SLC25A22: variants seen among roughly 807,000 people sequenced by gnomAD.
SLC25A22 encodes solute carrier family 25 member 22.
Under a neutral mutation model 33.7 loss-of-function variants are expected in SLC25A22, and 23 were observed. The observed-to-expected ratio is 0.68, with a 90% confidence interval of 0.49 to 0.97. The LOEUF (loss-of-function observed/expected upper bound fraction) is 0.97. Among genes scored for constraint, SLC25A22 ranks in the 50% least tolerant of loss-of-function variants. The pLI is 0.00. For missense variants in SLC25A22, 390 were observed against 451.1 expected, an observed-to-expected ratio of 0.86 and a Z score of 1.23; for synonymous variants, 245 against 203.8, an observed-to-expected ratio of 1.20 and a Z score of -1.72.
chr11:793,695 C>T (rs1353282851), intron 4 of SLC25A22, 76 bp from the exon 5 acceptor site: 1 of 1,039,280 alleles, frequency 9.6e-7, no homozygotes, highest in Non-Finnish European at 1.5e-6. Context: ...GACTTGCCTC[C>T]TGGCTGGCAA....
intron 3 of SLC25A22, 64 bp from the exon 4 acceptor site, chr11:794,577 G>A: frequency 6.3e-7 from 1 of 1,584,996 alleles, no homozygotes; most frequent in Non-Finnish European, 8.6e-7. Context: ...AGGGTCCCTG[G>A]ACTGTCTAGG....
chr11:795,109 G>T lies in SLC25A22; in HGVS notation c.-103C>A. 1 of 1,381,764 alleles carries T rather than the reference G, an allele frequency of 7.2e-7. No individual in the cohort carries two copies. The highest frequency in any genetic ancestry group is 1.0e-6 in the Non-Finnish European group (1 of 1,003,812). 85.6% of individuals were successfully genotyped at this position (1,381,764 alleles called of 1,614,324 possible). The stretch of plus-strand genomic sequence containing the variant: ...CCTTGAGGGAGGGTGGGACCCAGGG[G>T]GGTTGGGTGGTGCTCCACCTTCAGG... On this transcript the variant is annotated 5_prime_UTR_variant, in exon 2 of 10. Transcript: ENST00000628067.
intron 1 of SLC25A22, chr11:797,467 C>T (rs1864888209): frequency 2.5e-6 from 1 of 397,610 alleles, no homozygotes; most frequent in Non-Finnish European, 4.4e-6. Flanking sequence ...CGTCACTGTC[C>T]CCCCTTCATA....
At chr11:795,420 G>A (rs1384663905) in intron 1 of SLC25A22, 3 of 335,558 alleles carry the variant, frequency 8.9e-6, no homozygotes, top group Non-Finnish European at 1.6e-5. Flanking sequence ...CGCCGCTCAC[G>A]CTCGGGGCTC....
Position 791,388 on chromosome 11 carries a change from C to T in SLC25A22, c.*527G>A. The stretch of plus-strand genomic sequence containing the variant: ...GCTCAACAGAGAGGGCAGGAGACCC[C>T]AGTCCTCTTGCAAGGCTGGCCAGGG... On this transcript the variant is annotated 3_prime_UTR_variant, in exon 10 of 10. Transcript: ENST00000628067. The T allele has an allele frequency of 5.6e-6, 1 of 177,690 alleles. No individual in the cohort carries two copies. The highest frequency in any genetic ancestry group is 1.3e-4 in the South Asian group (1 of 7,978). The allele number at this position is 177,690 out of a possible 1,614,324, so 11.0% of individuals were successfully genotyped here.
chr11:792,037 A>C lies in SLC25A22; in HGVS notation c.850T>G (p.Phe284Val). Residue 284 changes from phenylalanine (F) to valine (V), a missense_variant, in exon 10 of 10, where the codon TTC (phenylalanine) becomes GTC (valine). Phe to Val is a conservative substitution (Grantham distance 50). Transcript: ENST00000628067. ...KILRHEGPSA[F>V]LKGAYCRALV... ...GCGCGGCAGTAGGCGCCCTTCAGGA[A>C]GGCCGAGGGGCCCTCGTGCCGCAGG... is the stretch of plus-strand genomic sequence containing the variant. 6.2e-7 allele frequency: 1 copy of C among 1,602,394 alleles called. No individual in the cohort carries two copies. The highest frequency in any genetic ancestry group is 8.5e-7 in the Non-Finnish European group (1 of 1,175,238).
At chr11:795,255 C>T (rs1864745643) in intron 1 of SLC25A22, 86 bp from the exon 2 acceptor site, 1 of 639,670 alleles carries the variant, frequency 1.6e-6, no homozygotes, top group African/African-American at 1.8e-5. Flanking sequence ...CACGCAGCCC[C>T]TCACCCACCA....
chr11:793,345 T>C (rs912729882), intron 5 of SLC25A22, 184 bp downstream of exon 5: 3 of 654,922 alleles, frequency 4.6e-6, no homozygotes, highest in African/African-American at 1.8e-5. Context: ...GCCCCACTGA[T>C]TTGACATCTG....
Position 793,511 on chromosome 11 carries a change from G to A in SLC25A22, c.293+18C>T, listed in dbSNP as rs1864642189. On this transcript the variant is annotated intron_variant, in intron 5 of 9. Transcript: ENST00000628067. ...GAAGCCAAAGACCCCTCGAGTGTCT[G>A]CCAGGCAGAACCCTCACCCGTCCTT... 1 of 1,612,446 alleles carries A rather than the reference G, an allele frequency of 6.2e-7. No individual in the cohort carries two copies.
At chr11:794,071 C>A (rs899355182) in intron 4 of SLC25A22, 2 of 512,786 alleles carry the variant, frequency 3.9e-6, no homozygotes, top group Non-Finnish European at 7.3e-6. Flanking sequence ...GGCTGGAGAG[C>A]TTCTGCCAAA....
rs1477539020 is a variant in SLC25A22, at chr11:790,769, G to A, written c.*1146C>T. 6.6e-6 allele frequency: 1 copy of A among 152,524 alleles called. No individual in the cohort carries two copies. The highest frequency in any genetic ancestry group is 6.5e-5 in the Admixed American group (1 of 15,292). The allele number at this position is 152,524 out of a possible 1,614,324, so 9.4% of individuals were successfully genotyped here. On this transcript the variant is annotated 3_prime_UTR_variant, in exon 10 of 10. Transcript: ENST00000628067. ...CGATCACATGGCCAGGGCGGGGCAGGGAGAGCTTCGGCTCACAGCAGGGAT... is the reference window on the plus strand; with the variant it reads ...CGATCACATGGCCAGGGCGGGGCAGAGAGAGCTTCGGCTCACAGCAGGGAT...
chr11:793,279 C>T (rs951256887), intron 5 of SLC25A22, among the ~76,000 whole-genome samples: 1 of 152,202 alleles, frequency 6.6e-6, no homozygotes, highest in Non-Finnish European at 1.5e-5. Flanking sequence ...TTGCAGTCCC[C>T]CTCCAGTGAT....
Position 798,254 on chromosome 11 carries a change from C to A in SLC25A22, c.-201G>T, listed in dbSNP as rs191701026. On this transcript the variant is annotated 5_prime_UTR_variant, in exon 1 of 10. Transcript: ENST00000628067. ...CGCCGCCGCGCTCGCCTGCCCGCCC[C>A]GCGCTCGGCCAGCACCTAGGCGGGG... The A allele has an allele frequency of 0.012, 4,791 of 388,766 alleles. 43 individuals carry two copies. Among genetic ancestry groups the A allele is most frequent in the Non-Finnish European group, 0.016 (3,483 of 219,880 alleles). 24.1% of individuals were successfully genotyped at this position (388,766 alleles called of 1,614,324 possible). A position where few individuals can be genotyped will look rare whatever the true frequency, so the allele number is the denominator to read the frequency against.
intron 3 of SLC25A22, 50 bp downstream of exon 3, chr11:794,726 C>T (rs1208035458): frequency 2.5e-6 from 4 of 1,582,278 alleles, no homozygotes; most frequent in Non-Finnish European, 3.4e-6. Flanking sequence ...CCCCACCTCT[C>T]CTGCTGCCAC....
rs757928133 is a variant in SLC25A22, at chr11:792,213, C to T, written c.747G>A (p.Val249=). The part of the protein sequence containing the change: ...AAVAVNPCDV[V]KTRLQSLQRG... ...GCTGAAGTGACTGGAGCCGCGTCTTCACCACTGCAAGGGGCGCTCGGGTCA... is the reference window on the plus strand; with the variant it reads ...GCTGAAGTGACTGGAGCCGCGTCTTTACCACTGCAAGGGGCGCTCGGGTCA... The change falls in exon 9 of 10, where the codon GTG becomes GTA. Residue 249 remains valine, a synonymous_variant. Coordinates refer to ENST00000628067, the MANE Select transcript of SLC25A22 (RefSeq NM_001191061.2). 9.9e-6 allele frequency: 16 copies of T among 1,612,856 alleles called. No homozygotes were observed. Among genetic ancestry groups the T allele is most frequent in the African/African-American group, 5.3e-5 (4 of 74,914 alleles).
At position 791,355 on chromosome 11, in the gene SLC25A22, G is replaced by A. The variant is rs556969774; in HGVS notation, c.*560C>T. The A allele has an allele frequency of 1.0e-4, 17 of 168,310 alleles. No homozygotes were observed. Among genetic ancestry groups the A allele is most frequent in the Non-Finnish European group, 2.2e-4 (17 of 77,958 alleles). 10.4% of individuals were successfully genotyped at this position (168,310 alleles called of 1,614,324 possible). A position where few individuals can be genotyped will look rare whatever the true frequency, so the allele number is the denominator to read the frequency against. On this transcript the variant is annotated 3_prime_UTR_variant, in exon 10 of 10. Transcript: ENST00000628067. Reference sequence around the variant, plus strand: ...GACCTCAGGGCAACCCCTCACTTGGGATTCCTGGCTCAACAGAGAGGGCAG... The same window carrying A: ...GACCTCAGGGCAACCCCTCACTTGGAATTCCTGGCTCAACAGAGAGGGCAG...
intron 4 of SLC25A22, chr11:794,125 C>A: frequency 1.6e-6 from 1 of 620,604 alleles, no homozygotes; most frequent in Non-Finnish European, 3.0e-6. Context: ...CGGTAATGCC[C>A]CTTACTCCCT....
intron 3 of SLC25A22, 111 bp downstream of exon 3, chr11:794,665 T>C: frequency 6.5e-7 from 1 of 1,532,102 alleles, no homozygotes. Context: ...TAGGCCCGCC[T>C]GCCTCCCGTT....
At position 794,834 on chromosome 11, in the gene SLC25A22, C is replaced by G; in HGVS notation, c.88G>C (p.Asp30His). The G allele has an allele frequency of 6.3e-7, 1 of 1,588,960 alleles. No homozygotes were observed. Among genetic ancestry groups the G allele is most frequent in the Non-Finnish European group, 8.6e-7 (1 of 1,168,544 alleles). The change falls in exon 3 of 10, where the codon GAC becomes CAC. Residue 30 changes from aspartate (D) to histidine (H), a missense_variant. By Grantham distance (81) the Asp-to-His change is moderately conservative. Transcript: ENST00000628067. ...LIGVTCVFPI[D>H]LAKTRLQNQQ... is the part of the protein sequence containing the mutation. ...TTCTGCAGCCTGGTCTTGGCCAGGTCGATGGGAAACACGCAGGTGACACCG... is the reference window on the plus strand; with the variant it reads ...TTCTGCAGCCTGGTCTTGGCCAGGTGGATGGGAAACACGCAGGTGACACCG...
Sources: gnomAD v4.1 joint callset for allele counts (sites outside exome capture counted in the v4.1 genomes callset) on GRCh38, gnomAD v4.1.1 for gene constraint, MANE v1.5 for transcripts, NCBI Gene and HGNC (gene_info 2026-07-23, HGNC 2026-07-21) for gene names.